Variants in ABTB2 observed in about 807,000 individuals in gnomAD.
The protein encoded by ABTB2 is ankyrin repeat and BTB domain containing 2.
ABTB2 carries 56 observed loss-of-function variants against 104.1 expected under a neutral mutation model. The observed-to-expected ratio is 0.54, with a 90% CI of 0.43 to 0.67. The LOEUF (loss-of-function observed/expected upper bound fraction) is 0.67. Ranked by LOEUF, ABTB2 falls within the 30% of genes least tolerant of loss-of-function variation. ABTB2 has a pLI of 0.00. For synonymous variants in ABTB2, 606 were observed against 608.2 expected (o/e 1.00, Z 0.05); for missense variants, 1,279 against 1,407.7 (o/e 0.91, Z 1.46).
intron 1 of ABTB2, among the ~76,000 whole-genome samples, chr11:34,210,896 C>T (rs369176866): frequency 5.4e-4 from 82 of 152,330 alleles, no homozygotes; most frequent in African/African-American, 1.9e-3. Context: ...ATTATACTGC[C>T]CCACTGAACG....
chr11:34,162,637 C>T lies in ABTB2; in HGVS notation c.2157G>A (p.Glu719=). The change falls in exon 10 of 17, where the codon GAG becomes GAA. Residue 719 remains glutamate, a synonymous_variant. Coordinates refer to ENST00000435224, the MANE Select transcript of ABTB2 (RefSeq NM_145804.3). ...LSRTRTKALQ[E]AMYYSAEHGY... ...CGTGCTCAGCGCTGTAGTACATGGC[C>T]TCCTGTAGGGCCTTGGTGCGGGTCC... 1 of 1,613,642 alleles carries T rather than the reference C, an allele frequency of 6.2e-7. No homozygotes were observed. The highest frequency in any genetic ancestry group is 8.5e-7 in the Non-Finnish European group (1 of 1,180,010).
intron 9 of ABTB2, among the ~76,000 whole-genome samples, chr11:34,163,134 C>T (rs1250203565): frequency 6.6e-6 from 1 of 152,188 alleles, no homozygotes; most frequent in Non-Finnish European, 1.5e-5. Context: ...GCCCTGACTG[C>T]TTTGGGATAT....
intron 1 of ABTB2, among the ~76,000 whole-genome samples, chr11:34,251,246 C>T (rs1355306849): frequency 1.3e-5 from 2 of 152,228 alleles, no homozygotes; most frequent in Non-Finnish European, 2.9e-5. Flanking sequence ...GTGGGCTCTG[C>T]ACCCTGATTT....
In ABTB2 at chr11:34,255,965, C is replaced by T. The variant is rs553846598; in HGVS notation, c.884-51275G>A. ...AACCCAACTCCTGATCATTTCCTTT[C>T]GGGCATCACTACCCAGCCCAGTTTT... On this transcript the variant is annotated intron_variant, in intron 1 of 16. Transcript: ENST00000435224. 2.7e-3 allele frequency among the ~76,000 whole-genome samples: 412 copies of T among 152,306 alleles called. 4 individuals carry two copies. The highest frequency in any genetic ancestry group is 9.2e-3 in the African/African-American group (383 of 41,566).
At chr11:34,241,434 C>T (rs1301673182) in intron 1 of ABTB2, among the ~76,000 whole-genome samples, 2 of 152,094 alleles carry the variant, frequency 1.3e-5, no homozygotes, top group Non-Finnish European at 2.9e-5. Context: ...TCTCTGTTGC[C>T]TGAGTACCAC....
intron 1 of ABTB2, among the ~76,000 whole-genome samples, chr11:34,286,315 C>T (rs756286930): frequency 1.1e-4 from 16 of 151,876 alleles, no homozygotes; most frequent in Non-Finnish European, 8.8e-5. Context: ...TTATTTGAGA[C>T]GGAGTCTTGC....
At chr11:34,344,727 G>A (rs1194665057) in intron 1 of ABTB2, among the ~76,000 whole-genome samples, 1 of 152,126 alleles carries the variant, frequency 6.6e-6, no homozygotes, top group Non-Finnish European at 1.5e-5. Flanking sequence ...CGAACTCCTG[G>A]ACTCAAGCCA....
chr11:34,166,861 C>T (rs1852808031), intron 7 of ABTB2, among the ~76,000 whole-genome samples: 1 of 152,182 alleles, frequency 6.6e-6, no homozygotes, highest in South Asian at 2.1e-4. Context: ...GCACAGACCC[C>T]ATGATATAGA....
chr11:34,325,672 C>T (rs868451500), intron 1 of ABTB2, among the ~76,000 whole-genome samples: 5 of 152,008 alleles, frequency 3.3e-5, no homozygotes, highest in East Asian at 3.9e-4. Flanking sequence ...CTGGATAGGC[C>T]GGGTGCAGTG....
At chr11:34,167,225 TG>T in intron 7 of ABTB2, 33 bp downstream of exon 7, 2 of 1,566,434 alleles carry the variant, frequency 1.3e-6, no homozygotes, top group Non-Finnish European at 8.7e-7. Flanking sequence ...CCTGGTAAGC[TG>T]GGGGGCATGG....
At chr11:34,162,857 C>G (rs1215728045) in intron 9 of ABTB2, 52 bp from the exon 10 acceptor site, 2 of 1,505,212 alleles carry the variant, frequency 1.3e-6, no homozygotes, top group Non-Finnish European at 1.8e-6. Context: ...ACAGGCAGTG[C>G]CCACCTGAGC....
At chr11:34,303,792 G>C (rs1292049018) in intron 1 of ABTB2, among the ~76,000 whole-genome samples, 1 of 151,898 alleles carries the variant, frequency 6.6e-6, no homozygotes, top group Non-Finnish European at 1.5e-5. Context: ...ACAGATGTGT[G>C]CCTCCTCGCC....
At chr11:34,316,431 T>C (rs1422176634) in intron 1 of ABTB2, among the ~76,000 whole-genome samples, 3 of 151,554 alleles carry the variant, frequency 2.0e-5, no homozygotes, top group Non-Finnish European at 4.4e-5. Flanking sequence ...GCTCTGACTA[T>C]AATCACAGTG....
At chr11:34,274,149 A>C in intron 1 of ABTB2, among the ~76,000 whole-genome samples, 1 of 115,388 alleles carries the variant, frequency 8.7e-6, no homozygotes, top group Admixed American at 1.0e-4. Context: ...ACAGAGCGAG[A>C]CTCCGTCTCA....
intron 1 of ABTB2, among the ~76,000 whole-genome samples, chr11:34,289,973 C>T (rs1056962590): frequency 2.0e-5 from 3 of 152,222 alleles, no homozygotes; most frequent in African/African-American, 7.2e-5. Context: ...AGTCCTCACT[C>T]TCCCCAGTTG....
In ABTB2 at chr11:34,160,025, G is replaced by A. The variant is rs1046186438; in HGVS notation, c.2504-17C>T. 1.9e-6 allele frequency: 3 copies of A among 1,596,866 alleles called. No homozygotes were observed. The highest frequency in any genetic ancestry group is 2.7e-5 in the African/African-American group (2 of 74,402). On this transcript the variant is annotated splice_polypyrimidine_tract_variant and intron_variant, in intron 12 of 16. Transcript: ENST00000435224. ...AGTGTGGATCTGTGAAAAGCGGGGA[G>A]ACAGAGGGATATGGCTGAGGAGTCC...
intron 4 of ABTB2, among the ~76,000 whole-genome samples, chr11:34,172,215 A>C (rs1413777431): frequency 6.6e-6 from 1 of 151,720 alleles, no homozygotes; most frequent in Non-Finnish European, 1.5e-5. Context: ...TCTACTAAAA[A>C]TACAAAACTA....
At chr11:34,166,178 T>G (rs1387783110) in intron 7 of ABTB2, among the ~76,000 whole-genome samples, 2 of 152,218 alleles carry the variant, frequency 1.3e-5, no homozygotes, top group African/African-American at 2.4e-5. Flanking sequence ...CAAAGCTTCC[T>G]CCAAGCATGC....
chr11:34,349,833 A>G (rs1249151616), intron 1 of ABTB2, among the ~76,000 whole-genome samples: 1 of 152,212 alleles, frequency 6.6e-6, no homozygotes, highest in Admixed American at 6.5e-5. Flanking sequence ...CAAAATGTCA[A>G]TGGTGCCCTG....
Sources: gnomAD v4.1 joint callset for allele counts (sites outside exome capture counted in the v4.1 genomes callset) on GRCh38, gnomAD v4.1.1 for gene constraint, MANE v1.5 for transcripts, NCBI Gene and HGNC (gene_info 2026-07-23, HGNC 2026-07-21) for gene names.